The following LRRIQ1 variants were observed in gnomAD, a reference collection of about 807,000 sequenced individuals.
The protein encoded by LRRIQ1 is leucine-rich repeat- and IQ domain-containing protein 1.
LRRIQ1 carries 210 observed loss-of-function variants against 211.9 expected under a neutral mutation model. That is an observed-to-expected ratio of 0.99 (90% CI 0.89 to 1.11). The LOEUF is 1.11. Among genes scored for constraint, LRRIQ1 ranks in the 50% most tolerant of loss-of-function variants. The pLI is 0.00. For missense variants in LRRIQ1, 2,136 were observed against 1,939.5 expected (o/e 1.10, Z -1.90); for synonymous variants, 699 against 650.1 (o/e 1.08, Z -1.14).
intron 13 of LRRIQ1, among the ~76,000 whole-genome samples, chr12:85,100,298 A>T (rs1160927583): frequency 6.6e-6 from 1 of 151,764 alleles, no homozygotes; most frequent in Admixed American, 6.6e-5. Flanking sequence ...CTAAAAATTA[A>T]ATTTAATACT....
At chr12:85,199,928 A>C (rs1218970232) in intron 24 of LRRIQ1, among the ~76,000 whole-genome samples, 1 of 152,152 alleles carries the variant, frequency 6.6e-6, no homozygotes. Context: ...TGTTCTTTTC[A>C]CTAAGAATTG....
At chr12:85,176,806 A>C (rs1891730901) in intron 24 of LRRIQ1, among the ~76,000 whole-genome samples, 1 of 152,132 alleles carries the variant, frequency 6.6e-6, no homozygotes, top group Non-Finnish European at 1.5e-5. Flanking sequence ...ATTTATAGTC[A>C]TGGTAACAAT....
intron 24 of LRRIQ1, among the ~76,000 whole-genome samples, chr12:85,228,352 C>G (rs1403672547): frequency 6.6e-6 from 1 of 152,134 alleles, no homozygotes; most frequent in Non-Finnish European, 1.5e-5. Flanking sequence ...GGAGTCTGCT[C>G]ATGGATTCAA....
intron 11 of LRRIQ1, among the ~76,000 whole-genome samples, chr12:85,087,973 G>A (rs573492283): frequency 6.6e-6 from 1 of 152,216 alleles, no homozygotes; most frequent in East Asian, 1.9e-4. Context: ...GTCAATTTTG[G>A]CTTTTGTTGC....
chr12:85,062,989 G>A (rs765103947), intron 8 of LRRIQ1, among the ~76,000 whole-genome samples: 13 of 151,554 alleles, frequency 8.6e-5, no homozygotes, highest in Non-Finnish European at 1.9e-4. Context: ...TGTTGGCCAC[G>A]TGTATGTCTT....
At chr12:85,119,736 G>A (rs963516337) in intron 15 of LRRIQ1, among the ~76,000 whole-genome samples, 18 of 151,210 alleles carry the variant, frequency 1.2e-4, no homozygotes, top group Non-Finnish European at 8.8e-5. Context: ...ACATTGTCTC[G>A]TTGTTATTTT....
At chr12:85,068,887 A>G (rs1023677980) in intron 10 of LRRIQ1, among the ~76,000 whole-genome samples, 2 of 150,874 alleles carry the variant, frequency 1.3e-5, no homozygotes, top group African/African-American at 4.9e-5. Flanking sequence ...TTTTAGTTTC[A>G]ATGAAATTGT....
At chr12:85,157,990 A>T (rs1448183078) in intron 23 of LRRIQ1, among the ~76,000 whole-genome samples, 2 of 151,960 alleles carry the variant, frequency 1.3e-5, no homozygotes, top group Non-Finnish European at 2.9e-5. Context: ...ACCAGCAGGG[A>T]ATAGTATAGA....
At chr12:85,152,416 T>C in intron 20 of LRRIQ1, 47 bp downstream of exon 20, 1 of 1,454,622 alleles carries the variant, frequency 6.9e-7, no homozygotes, top group Non-Finnish European at 9.6e-7. Flanking sequence ...TGCTCATTTC[T>C]TAAGGTTATG....
intron 4 of LRRIQ1, among the ~76,000 whole-genome samples, chr12:85,045,791 T>C (rs1879470652): frequency 6.6e-6 from 1 of 151,996 alleles, no homozygotes; most frequent in Non-Finnish European, 1.5e-5. Flanking sequence ...TAAAGACTTA[T>C]TAGAGTTCCG....
intron 19 of LRRIQ1, among the ~76,000 whole-genome samples, chr12:85,147,709 ATT>A (rs71445024): frequency 1.1e-3 from 157 of 145,932 alleles, no homozygotes; most frequent in Middle Eastern, 7.3e-3. Flanking sequence ...GATAGCTGCT[ATT>A]TTTTTTTTTT....
rs1181913622 is a variant in LRRIQ1 at position 85,193,004 on chromosome 12, A to G, written c.4822+32290A>G. ...ATATAATTATATAATATAATATATAAATATATAATTATATAATATATTTAT... is the reference window on the plus strand; with the variant it reads ...ATATAATTATATAATATAATATATAGATATATAATTATATAATATATTTAT... On this transcript the variant is annotated intron_variant, in intron 24 of 26. Transcript: ENST00000393217. 1.4e-4 allele frequency among the ~76,000 whole-genome samples: 4 copies of G among 29,102 alleles called. No homozygotes were observed. In the Admixed American group the frequency reaches 2.2e-3, roughly 16 times the overall value. 19.1% of individuals were successfully genotyped at this position (29,102 alleles called of 152,430 possible). A position where few individuals can be genotyped will look rare whatever the true frequency, so the allele number is the denominator to read the frequency against.
Position 85,070,976 on chromosome 12 carries a change from T to G in LRRIQ1, c.2696-1931T>G, listed in dbSNP as rs76148561. Among the ~76,000 whole-genome samples the G allele has an allele frequency of 2.3e-4, 35 of 152,064 alleles. 1 individual carries two copies. The East Asian group carries it at 6.8e-3, about 30-fold the overall frequency. The stretch of plus-strand genomic sequence containing the variant: ...TATGTTATAAAATCATTTGAAATAG[T>G]TTATCTTTGGGATTAGATTATAAAT... On this transcript the variant is annotated intron_variant, in intron 10 of 26. Transcript: ENST00000393217.
chr12:85,134,176 G>A (rs1196151172), intron 18 of LRRIQ1, among the ~76,000 whole-genome samples: 2 of 152,132 alleles, frequency 1.3e-5, no homozygotes, highest in East Asian at 1.9e-4. Flanking sequence ...GCCAGAACAA[G>A]GGTATAAGGA....
intron 1 of LRRIQ1, among the ~76,000 whole-genome samples, chr12:85,255,835 T>A (rs533485982): frequency 1.3e-5 from 2 of 151,750 alleles, no homozygotes; most frequent in Non-Finnish European, 3.0e-5. Flanking sequence ...ACATTAACAC[T>A]TAAACCCTTA....
chr12:85,204,711 G>A (rs1385053870), intron 24 of LRRIQ1, among the ~76,000 whole-genome samples: 1 of 134,444 alleles, frequency 7.4e-6, no homozygotes, highest in Non-Finnish European at 1.5e-5. Context: ...TGGAATGATT[G>A]TATTTTCCCA....
intron 24 of LRRIQ1, among the ~76,000 whole-genome samples, chr12:85,169,842 C>T (rs1891325031): frequency 6.6e-6 from 1 of 152,072 alleles, no homozygotes; most frequent in South Asian, 2.1e-4. Flanking sequence ...ATGGTTTATT[C>T]TTATATCCTC....
Position 85,055,854 on chromosome 12 carries a change from A to AAGAGG in LRRIQ1, c.1063_1067dup (p.Arg359GlyfsTer15). On this transcript the variant is annotated frameshift_variant, in exon 8 of 27. Coordinates refer to ENST00000393217, the MANE Select transcript of LRRIQ1 (RefSeq NM_001079910.2). LOFTEE classifies it high-confidence loss of function. ...AAAGAAGAGAGAAAAAAGCAAAAGG[A>AAGAGG]AGAGGAAAGGAAAAGGAGAGAAAAA... is the stretch of plus-strand genomic sequence containing the variant. 1 of 1,591,422 alleles carries AAGAGG rather than the reference A, an allele frequency of 6.3e-7. No individual in the cohort carries two copies. Among genetic ancestry groups the AAGAGG allele is most frequent in the East Asian group, 2.2e-5 (1 of 44,556 alleles).
chr12:85,267,891 C>G (rs899591095), downstream of LRRIQ1, among the ~76,000 whole-genome samples: 2 of 151,964 alleles, frequency 1.3e-5, no homozygotes, highest in African/African-American at 4.8e-5. Context: ...GTGACAAACT[C>G]TCTGAGCCTG....
Sources: gnomAD v4.1 joint callset for allele counts (sites outside exome capture counted in the v4.1 genomes callset) on GRCh38, gnomAD v4.1.1 for gene constraint, MANE v1.5 for transcripts, NCBI Gene and HGNC (gene_info 2026-07-23, HGNC 2026-07-21) for gene names.